Variants in MTCL3 observed in about 807,000 individuals in gnomAD.
MTCL3 encodes microtubule cross-linking factor 3.
At chr6:127,495,200 A>G in the MTCL3 span, among the ~76,000 whole-genome samples, 2 of 150,492 alleles carry the variant, frequency 1.3e-5, no homozygotes, top group African/African-American at 2.5e-5. Context: ...CCATCTCAAA[A>G]AAAAAAAAAA....
chr6:127,519,179 C>G, the MTCL3 span: 1 of 152,140 alleles, frequency 6.6e-6, no homozygotes, highest in Admixed American at 6.5e-5. Context: ...ATCCCAAAAC[C>G]GCTCGAACAC....
At chr6:127,516,749 T>C in the MTCL3 span, 1 of 1,437,750 alleles carries the variant, frequency 7.0e-7, no homozygotes, top group Non-Finnish European at 9.1e-7. Flanking sequence ...GTCTGAATTT[T>C]TGCAGAGCAA....
At chr6:127,514,500 G>A in the MTCL3 span, among the ~76,000 whole-genome samples, 1 of 152,232 alleles carries the variant, frequency 6.6e-6, no homozygotes, top group Non-Finnish European at 1.5e-5. Context: ...CAGATCAAAG[G>A]CTAGAGCCTG....
the MTCL3 span, among the ~76,000 whole-genome samples, chr6:127,484,914 A>G: frequency 6.6e-6 from 1 of 152,210 alleles, no homozygotes; most frequent in African/African-American, 2.4e-5. Flanking sequence ...TATCAAAAGC[A>G]TCAGTTATCT....
At chr6:127,495,954 G>C in the MTCL3 span, among the ~76,000 whole-genome samples, 12 of 152,186 alleles carry the variant, frequency 7.9e-5, no homozygotes, top group Non-Finnish European at 1.5e-4. Context: ...TCTCGGCTGG[G>C]CATGGTGGCT....
At chr6:127,497,018 GA>G in the MTCL3 span, among the ~76,000 whole-genome samples, 1 of 152,138 alleles carries the variant, frequency 6.6e-6, no homozygotes, top group Non-Finnish European at 1.5e-5. Flanking sequence ...TAGTCAAAGG[GA>G]AGGAAGAAAT....
At chr6:127,491,893 A>G in the MTCL3 span, among the ~76,000 whole-genome samples, 6 of 151,698 alleles carry the variant, frequency 4.0e-5, no homozygotes, top group African/African-American at 1.5e-4. Flanking sequence ...AAAAAAAAAA[A>G]AAAAAAAAAG....
the MTCL3 span, chr6:127,515,643 G>A: frequency 7.0e-7 from 1 of 1,437,996 alleles, no homozygotes; most frequent in Non-Finnish European, 9.1e-7. The surrounding 1 kb of genome is among the most constrained non-coding windows in gnomAD (Gnocchi z 4.3). Context: ...CGCTCGCGCT[G>A]CCCTCTGCGC....
At chr6:127,512,832 G>A in the MTCL3 span, 1 of 1,484,398 alleles carries the variant, frequency 6.7e-7, no homozygotes, top group Non-Finnish European at 9.1e-7. Context: ...TTAGTCCTTG[G>A]GATTCTTTTT....
At chr6:127,517,123 T>A in the MTCL3 span, among the ~76,000 whole-genome samples, 1 of 152,256 alleles carries the variant, frequency 6.6e-6, no homozygotes, top group Non-Finnish European at 1.5e-5. Context: ...CAAATCCATA[T>A]GTAAAGCCTA....
chr6:127,505,691 A>G, the MTCL3 span, among the ~76,000 whole-genome samples: 3 of 152,304 alleles, frequency 2.0e-5, no homozygotes, highest in East Asian at 3.9e-4. Flanking sequence ...AAAAAGATAC[A>G]TGTTCCTCAA....
chr6:127,478,728 G>A, the MTCL3 span, among the ~76,000 whole-genome samples: 1 of 151,992 alleles, frequency 6.6e-6, no homozygotes, highest in African/African-American at 2.4e-5. Context: ...AAAAGAAAGG[G>A]AGACATATGG....
the MTCL3 span, among the ~76,000 whole-genome samples, chr6:127,478,077 C>G: frequency 6.4e-4 from 98 of 152,206 alleles, no homozygotes; most frequent in Middle Eastern, 6.8e-3. Context: ...GATGAGAGAG[C>G]CTTAGCAGCA....
At chr6:127,500,871 G>C in the MTCL3 span, among the ~76,000 whole-genome samples, 2 of 152,132 alleles carry the variant, frequency 1.3e-5, no homozygotes, top group Non-Finnish European at 2.9e-5. Context: ...GAGTGCAGTG[G>C]TGCGATCTCA....
the MTCL3 span, among the ~76,000 whole-genome samples, chr6:127,499,980 C>A: frequency 3.5e-4 from 53 of 152,250 alleles, 2 homozygotes; most frequent in Admixed American, 2.9e-3. Flanking sequence ...CTCTATAATA[C>A]TATTTCCTCA....
the MTCL3 span, chr6:127,515,411 G>C: frequency 8.7e-7 from 1 of 1,149,118 alleles, no homozygotes; most frequent in Non-Finnish European, 1.2e-6. The surrounding 1 kb of genome is among the most constrained non-coding windows in gnomAD (Gnocchi z 4.3). Flanking sequence ...CCTCTTCAAG[G>C]CTCCCTAACA....
the MTCL3 span, chr6:127,516,056 C>A: frequency 6.5e-7 from 1 of 1,537,748 alleles, no homozygotes; most frequent in Non-Finnish European, 8.7e-7. Flanking sequence ...GGCTGCGGAG[C>A]GCCCCCCTCC....
the MTCL3 span, among the ~76,000 whole-genome samples, chr6:127,506,168 C>A: frequency 6.6e-6 from 1 of 152,066 alleles, no homozygotes; most frequent in Non-Finnish European, 1.5e-5. Context: ...AAATTCATGG[C>A]TAATGAAAAA....
At chr6:127,514,910 G>T in the MTCL3 span, 2 of 1,614,198 alleles carry the variant, frequency 1.2e-6, no homozygotes, top group African/African-American at 2.7e-5. Flanking sequence ...CGGCTTTGCG[G>T]AGGCGGTACT....
Sources: gnomAD v4.1 joint callset for allele counts (sites outside exome capture counted in the v4.1 genomes callset) on GRCh38, gnomAD v4.1.1 for gene constraint, Gnocchi (gnomAD v3.1) non-coding constraint, MANE v1.5 for transcripts, NCBI Gene and HGNC (gene_info 2026-07-23, HGNC 2026-07-21) for gene names.